Variants in MEF2C observed in about 807,000 individuals in gnomAD.
MEF2C encodes the protein myocyte-specific enhancer factor 2C.
Under a neutral mutation model 50.5 loss-of-function variants are expected in MEF2C, and 6 were observed. The ratio of observed to expected loss-of-function variants is 0.12; its 90% CI spans 0.07 to 0.23. The LOEUF (loss-of-function observed/expected upper bound fraction) is 0.23, where lower values mean the gene tolerates loss of function less well. Among genes scored for constraint, MEF2C ranks in the 10% least tolerant of loss-of-function variants. The pLI, the probability that MEF2C is intolerant of heterozygous loss-of-function variation, is 1.00. For missense variants in MEF2C, 276 were observed against 605.0 expected (o/e 0.46, Z 5.70); for synonymous variants, 183 against 228.0 (o/e 0.80, Z 1.78).
intron 4 of MEF2C, among the ~76,000 whole-genome samples, chr5:88,754,942 C>T (rs1774606828): frequency 6.6e-6 from 1 of 152,162 alleles, no homozygotes; most frequent in Non-Finnish European, 1.5e-5. Context: ...TGACGAACTG[C>T]ATCACCTCCT....
chr5:88,868,075 C>A (rs1052811205), intron 1 of MEF2C, among the ~76,000 whole-genome samples: 1 of 152,154 alleles, frequency 6.6e-6, no homozygotes, highest in Admixed American at 6.6e-5. Context: ...GGGTGGTACC[C>A]CCTGTGTTGG....
intron 6 of MEF2C, chr5:88,734,588 T>TTTTTTTTTTTTTTTTTTTTTTG: frequency 1.0e-6 from 1 of 974,080 alleles, no homozygotes; most frequent in Non-Finnish European, 1.2e-6. Context: ...TTTTTTTTTT[T>TTTTTTTTTTTTTTTTTTTTTTG]TTTTTTTTTT....
chr5:88,787,983 G>A (rs1028336737), intron 3 of MEF2C, among the ~76,000 whole-genome samples: 3 of 152,078 alleles, frequency 2.0e-5, no homozygotes, highest in African/African-American at 4.8e-5. Context: ...GTTCCTTGGA[G>A]TAAATGCCAA....
At chr5:88,766,448 A>C (rs1025525084) in intron 3 of MEF2C, among the ~76,000 whole-genome samples, 1 of 152,230 alleles carries the variant, frequency 6.6e-6, no homozygotes, top group African/African-American at 2.4e-5. Context: ...CGTTAGTAAA[A>C]AGAAATAAGT....
chr5:88,786,378 A>G (rs1790895712), intron 3 of MEF2C, among the ~76,000 whole-genome samples: 1 of 152,222 alleles, frequency 6.6e-6, no homozygotes. Flanking sequence ...TGAAGAACTG[A>G]TTAGGTTGTA....
chr5:88,890,036 C>T (rs1227276725), intron 1 of MEF2C, among the ~76,000 whole-genome samples: 1 of 152,160 alleles, frequency 6.6e-6, no homozygotes, highest in Non-Finnish European at 1.5e-5. Flanking sequence ...CTCTGGCCAG[C>T]CGGAGTTTTT....
At chr5:88,788,950 G>A (rs1204321042) in intron 3 of MEF2C, among the ~76,000 whole-genome samples, 1 of 152,068 alleles carries the variant, frequency 6.6e-6, no homozygotes, top group African/African-American at 2.4e-5. Flanking sequence ...GAGTGAAGTT[G>A]GCTTTAGATT....
intron 1 of MEF2C, among the ~76,000 whole-genome samples, chr5:88,854,520 T>C (rs1822562729): frequency 1.3e-5 from 2 of 152,288 alleles, no homozygotes; most frequent in Non-Finnish European, 2.9e-5. Context: ...GATAACACCA[T>C]TGGGAAAAGC....
At chr5:88,774,170 A>G (rs1783706538) in intron 3 of MEF2C, among the ~76,000 whole-genome samples, 1 of 151,604 alleles carries the variant, frequency 6.6e-6, no homozygotes, top group African/African-American at 2.4e-5. Flanking sequence ...TGGAGGTAGA[A>G]GTTGTTAGAG....
intron 1 of MEF2C, among the ~76,000 whole-genome samples, chr5:88,878,833 A>C (rs1474944675): frequency 1.3e-5 from 2 of 152,078 alleles, no homozygotes; most frequent in African/African-American, 4.8e-5. Flanking sequence ...TTTCAGAATG[A>C]ACCCAACTGT....
chr5:88,842,923 T>C (rs1168678424), intron 1 of MEF2C, among the ~76,000 whole-genome samples: 4 of 152,106 alleles, frequency 2.6e-5, no homozygotes, highest in African/African-American at 9.7e-5. Flanking sequence ...TCTGGAACAG[T>C]GAAATGTCTG....
intron 3 of MEF2C, among the ~76,000 whole-genome samples, chr5:88,762,666 C>A (rs1251426839): frequency 6.6e-6 from 1 of 151,900 alleles, no homozygotes; most frequent in Non-Finnish European, 1.5e-5. Flanking sequence ...GATCATAAAA[C>A]TTCTGATTAA....
intron 3 of MEF2C, among the ~76,000 whole-genome samples, chr5:88,765,821 T>C (rs764341767): frequency 6.6e-5 from 10 of 152,212 alleles, no homozygotes; most frequent in Non-Finnish European, 1.0e-4. Context: ...ACCACCAGCT[T>C]CTCTCCTTAC....
chr5:88,885,200 A>T (rs1428361588), upstream of MEF2C, among the ~76,000 whole-genome samples: 5 of 152,214 alleles, frequency 3.3e-5, no homozygotes, highest in Admixed American at 2.6e-4. Context: ...ATATATGAGG[A>T]CAGTATGGTT....
intron 6 of MEF2C, chr5:88,741,392 T>A (rs17551090): frequency 0.1 from 99,205 of 985,150 alleles, 5,572 homozygotes; most frequent in Middle Eastern, 0.19. Flanking sequence ...AACAGACTTT[T>A]CAAGGGCAAT....
intron 1 of MEF2C, among the ~76,000 whole-genome samples, chr5:88,858,326 G>A (rs1454325409): frequency 6.6e-6 from 1 of 152,042 alleles, no homozygotes; most frequent in Non-Finnish European, 1.5e-5. Context: ...TATATTCAAG[G>A]TACTTTTCCA....
chr5:88,804,238 A>G (rs1470394547), intron 3 of MEF2C, among the ~76,000 whole-genome samples: 1 of 152,202 alleles, frequency 6.6e-6, no homozygotes, highest in Non-Finnish European at 1.5e-5. Context: ...AAAATAAATG[A>G]TCAGAAGTGT....
chr5:88,775,443 T>C (rs1309643250), intron 3 of MEF2C, among the ~76,000 whole-genome samples: 1 of 152,208 alleles, frequency 6.6e-6, no homozygotes, highest in Non-Finnish European at 1.5e-5. Flanking sequence ...TCCTTCTTTC[T>C]AGGTTAAATA....
intron 1 of MEF2C, among the ~76,000 whole-genome samples, chr5:88,870,369 T>C (rs1829130888): frequency 6.6e-6 from 1 of 152,054 alleles, no homozygotes; most frequent in Non-Finnish European, 1.5e-5. Context: ...TATTCTCAGT[T>C]ACTCTTTAAA....
Sources: gnomAD v4.1 joint callset for allele counts (sites outside exome capture counted in the v4.1 genomes callset) on GRCh38, gnomAD v4.1.1 for gene constraint, MANE v1.5 for transcripts, NCBI Gene and HGNC (gene_info 2026-07-23, HGNC 2026-07-21) for gene names.